The following MRTFA variants were observed in gnomAD, a reference collection of about 807,000 sequenced individuals.
The protein encoded by MRTFA is myocardin related transcription factor A, also known as myocardin-related transcription factor A.
A neutral mutation model predicts 83.5 loss-of-function variants in MRTFA; 20 were observed. The ratio of observed to expected loss-of-function variants is 0.24; its 90% CI spans 0.17 to 0.35. MRTFA has a LOEUF of 0.35. Among genes scored for constraint, MRTFA ranks in the 10% least tolerant of loss-of-function variants. MRTFA has a pLI of 1.00. For missense variants in MRTFA, 1,200 were observed against 1,224.7 expected (o/e 0.98, Z 0.30); for synonymous variants, 659 against 541.2 (o/e 1.22, Z -3.02).
intron 3 of MRTFA, among the ~76,000 whole-genome samples, chr22:40,503,985 T>C (rs951117294): frequency 2.6e-5 from 4 of 152,180 alleles, no homozygotes; most frequent in Non-Finnish European, 4.4e-5. Context: ...ACTTCATAGA[T>C]TAATTCAAAA....
Position 40,421,085 on chromosome 22 carries a change from A to C in MRTFA, c.943T>G (p.Ser315Ala), listed in dbSNP as rs1255557451. 6.5e-7 allele frequency: 1 copy of C among 1,531,742 alleles called. No homozygotes were observed. Among genetic ancestry groups the C allele is most frequent in the East Asian group, 2.3e-5 (1 of 43,304 alleles). 94.9% of individuals were successfully genotyped at this position (1,531,742 alleles called of 1,614,324 possible). A position where few individuals can be genotyped will look rare whatever the true frequency, so the allele number is the denominator to read the frequency against. The change falls in exon 10 of 15, where the codon TCT (serine) becomes GCT (alanine). Residue 315 changes from serine (S) to alanine (A), a missense_variant. By Grantham distance (99) the Ser-to-Ala change is moderately conservative (BLOSUM62 1). This residue lies in a region of MRTFA where 1,107 missense variants were observed against 1,041.8 expected (regional missense o/e 1.06). Transcript: ENST00000355630. ...CTGCGCTGTGACTTCTCACTGGCAG[A>C]CTTGGGTTGGCTTTGCTGAGGGCAC...
chr22:40,571,122 T>C (rs2055786623), intron 2 of MRTFA, among the ~76,000 whole-genome samples: 1 of 147,264 alleles, frequency 6.8e-6, no homozygotes, highest in Non-Finnish European at 1.5e-5. Context: ...GGCAGGAGGA[T>C]CACCTGAGCC....
intron 7 of MRTFA, among the ~76,000 whole-genome samples, chr22:40,425,319 G>A (rs962356568): frequency 6.6e-6 from 1 of 152,258 alleles, no homozygotes; most frequent in Admixed American, 6.5e-5. Flanking sequence ...GGGGTGGCAG[G>A]TTCTGAGCTG....
At chr22:40,527,120 C>T (rs1377711666) in intron 3 of MRTFA, among the ~76,000 whole-genome samples, 1 of 149,734 alleles carries the variant, frequency 6.7e-6, no homozygotes, top group African/African-American at 2.4e-5. Flanking sequence ...AGCAAGACCT[C>T]GCCTCAAAGA....
intron 4 of MRTFA, among the ~76,000 whole-genome samples, chr22:40,449,037 G>A (rs530616737): frequency 4.6e-5 from 7 of 152,198 alleles, no homozygotes; most frequent in East Asian, 1.9e-4. Context: ...AGGCCGAGGC[G>A]GGTGGATCAT....
chr22:40,426,388 A>T (rs1424898640), intron 7 of MRTFA, among the ~76,000 whole-genome samples: 2 of 151,810 alleles, frequency 1.3e-5, no homozygotes, highest in South Asian at 4.2e-4. Context: ...CAGCCTGAAA[A>T]TCCCTCCTTA....
chr22:40,511,832 T>A (rs1346332471), intron 3 of MRTFA, among the ~76,000 whole-genome samples: 1 of 152,240 alleles, frequency 6.6e-6, no homozygotes, highest in African/African-American at 2.4e-5. Context: ...CTCAGCCAAC[T>A]GATCCCATTA....
chr22:40,560,963 C>G (rs994568570), intron 2 of MRTFA, among the ~76,000 whole-genome samples: 10 of 152,132 alleles, frequency 6.6e-5, no homozygotes, highest in African/African-American at 2.4e-4. Context: ...TGACCCATGA[C>G]AAAAAGGTGG....
At chr22:40,561,989 G>C (rs2055625242) in intron 2 of MRTFA, among the ~76,000 whole-genome samples, 1 of 152,108 alleles carries the variant, frequency 6.6e-6, no homozygotes, top group South Asian at 2.1e-4. Flanking sequence ...GGTCTCATCA[G>C]GTGGATCACG....
chr22:40,622,220 G>A lies in MRTFA; in HGVS notation c.-84+14258C>T, dbSNP rs575647107. On this transcript the variant is annotated intron_variant, in intron 1 of 14. Coordinates refer to ENST00000355630, the MANE Select transcript of MRTFA (RefSeq NM_020831.6). ...TTTGGGGCCGGGCGCGGTGGCTCAC[G>A]CCTGTAATCCCAGCACTTTGGGAGG... 5.3e-5 allele frequency among the ~76,000 whole-genome samples: 8 copies of A among 152,236 alleles called. No individual in the cohort carries two copies. The South Asian group carries it at 6.2e-4, about 12-fold the overall frequency.
At chr22:40,456,559 G>A (rs1462829019) in intron 4 of MRTFA, among the ~76,000 whole-genome samples, 2 of 152,100 alleles carry the variant, frequency 1.3e-5, no homozygotes, top group Non-Finnish European at 2.9e-5. Context: ...GTGCTGGCCC[G>A]CACCTGTAGT....
rs146321501 is a variant in MRTFA at position 40,414,105 on chromosome 22, G to A, written c.2579-2198C>T. Among the ~76,000 whole-genome samples the A allele has an allele frequency of 4.2e-3, 633 of 152,270 alleles. 2 individuals carry two copies. The highest frequency in any genetic ancestry group is 8.0e-3 in the Admixed American group (123 of 15,292). On this transcript the variant is annotated intron_variant, in intron 14 of 14. Coordinates refer to ENST00000355630, the MANE Select transcript of MRTFA (RefSeq NM_020831.6). ...TGTAATCCTATCACTTTGGGAGGCCGAGGCGGGCAGACTGCCTGAGCTCAG... is the reference window on the plus strand; with the variant it reads ...TGTAATCCTATCACTTTGGGAGGCCAAGGCGGGCAGACTGCCTGAGCTCAG...
chr22:40,480,656 T>G (rs1433671501), intron 3 of MRTFA, among the ~76,000 whole-genome samples: 1 of 151,714 alleles, frequency 6.6e-6, no homozygotes, highest in East Asian at 1.9e-4. Context: ...CATCTAAAGG[T>G]TATTCAGGCT....
At chr22:40,533,401 T>G (rs1478532069) in intron 3 of MRTFA, among the ~76,000 whole-genome samples, 3 of 152,214 alleles carry the variant, frequency 2.0e-5, no homozygotes, top group Admixed American at 1.3e-4. Context: ...AATTCAAAGC[T>G]GTCAGAATAA....
intron 14 of MRTFA, among the ~76,000 whole-genome samples, chr22:40,413,134 TCTC>T (rs2052596533): frequency 1.2e-5 from 1 of 83,748 alleles, no homozygotes; most frequent in South Asian, 4.1e-4. Context: ...TGACACCCTG[TCTC>T]AAAAAAAAAA....
intron 8 of MRTFA, 70 bp downstream of exon 8, chr22:40,424,136 G>C: frequency 4.8e-6 from 7 of 1,459,144 alleles, no homozygotes; most frequent in Non-Finnish European, 6.4e-6. Flanking sequence ...CCGTGGCCCA[G>C]GAGAGAGACC....
intron 8 of MRTFA, 107 bp downstream of exon 8, chr22:40,424,099 C>T: frequency 8.0e-7 from 1 of 1,256,794 alleles, no homozygotes; most frequent in Non-Finnish European, 1.1e-6. Context: ...ATCCCCCTGG[C>T]TTCCCTGTGC....
At chr22:40,475,594 G>A (rs1273755921) in intron 3 of MRTFA, among the ~76,000 whole-genome samples, 1 of 152,166 alleles carries the variant, frequency 6.6e-6, no homozygotes, top group Non-Finnish European at 1.5e-5. Flanking sequence ...CTAGACAAGT[G>A]TAACATTAGC....
At chr22:40,444,981 C>A (rs1413006856) in intron 4 of MRTFA, among the ~76,000 whole-genome samples, 1 of 152,130 alleles carries the variant, frequency 6.6e-6, no homozygotes, top group East Asian at 1.9e-4. Context: ...ATGGAAGAAT[C>A]GCCTGAGCTG....
Sources: gnomAD v4.1 joint callset for allele counts (sites outside exome capture counted in the v4.1 genomes callset) on GRCh38, gnomAD v4.1.1 for gene constraint, gnomAD v4.1.1 regional missense constraint, MANE v1.5 for transcripts, NCBI Gene and HGNC (gene_info 2026-07-23, HGNC 2026-07-21) for gene names.